The following SH2B1 variants were observed in gnomAD, a reference collection of about 807,000 sequenced individuals.
The protein encoded by SH2B1 is SH2B adapter protein 1.
SH2B1 carries 15 observed loss-of-function variants against 62.6 expected under a neutral mutation model. The ratio of observed to expected loss-of-function variants is 0.24; its 90% CI spans 0.16 to 0.37. SH2B1 has a LOEUF of 0.37. Among genes scored for constraint, SH2B1 ranks in the 10% least tolerant of loss-of-function variants. The pLI is 1.00. For synonymous variants in SH2B1, 443 were observed against 438.0 expected (o/e 1.01, Z -0.14); for missense variants, 925 against 1,015.6 (o/e 0.91, Z 1.21).
intron 1 of SH2B1, among the ~76,000 whole-genome samples, chr16:28,857,606 A>T (rs1049506621): frequency 2.0e-5 from 3 of 152,164 alleles, no homozygotes; most frequent in Non-Finnish European, 4.4e-5. Flanking sequence ...CAATGAAGAG[A>T]CACACAGGGA....
In SH2B1 at chr16:28,866,811, C is replaced by A. The variant is rs772611715; in HGVS notation, c.717C>A (p.Ala239=). Residue 239 remains alanine, a synonymous_variant, in exon 1 of 8, where the codon GCC becomes GCA. Transcript: ENST00000684370. The surrounding 1 kb of genome is among the most constrained non-coding windows in gnomAD (Gnocchi z 6.3). ...TGAGACTCAGTCGGGGAGGGGGCGCCTTGAAGGATGGAGCAGGGATGGTGC... is the reference window on the plus strand; with the variant it reads ...TGAGACTCAGTCGGGGAGGGGGCGCATTGAAGGATGGAGCAGGGATGGTGC... ...ERLRLSRGGG[A]LKDGAGMVQR... is the part of the protein sequence containing the mutation. 6.3e-7 allele frequency: 1 copy of A among 1,585,110 alleles called. No individual in the cohort carries two copies. The highest frequency in any genetic ancestry group is 1.3e-5 in the African/African-American group (1 of 74,224).
At chr16:28,870,475 T>G (rs913667726) in intron 4 of SH2B1, among the ~76,000 whole-genome samples, 20 of 151,986 alleles carry the variant, frequency 1.3e-4, no homozygotes, top group Admixed American at 1.1e-3. Flanking sequence ...GCCCAGGATA[T>G]GGGGACAAAT....
At position 28,871,804 on chromosome 16, in the gene SH2B1, G is replaced by T. The variant is rs766274908; in HGVS notation, c.1334G>T (p.Arg445Leu). The change falls in exon 5 of 8, where the codon CGC (arginine) becomes CTC (leucine). Residue 445 changes from arginine (R) to leucine (L), a missense_variant. By Grantham distance (102) the Arg-to-Leu change is moderately radical (BLOSUM62 -2). Coordinates refer to ENST00000684370, the MANE Select transcript of SH2B1 (RefSeq NM_001387430.1). The stretch of plus-strand genomic sequence containing the variant: ...GGGGCATATGGGGGCCTCTCAGACC[G>T]CCCCTCGGCATCCATCTCCCCCAGC... ...SQGAYGGLSDRPSASISPSSA... is the reference protein window; with the variant it reads ...SQGAYGGLSDLPSASISPSSA... The T allele has an allele frequency of 1.2e-6, 2 of 1,613,818 alleles. No individual in the cohort carries two copies. Among genetic ancestry groups the T allele is most frequent in the Admixed American group, 3.3e-5 (2 of 59,990 alleles).
intron 1 of SH2B1, among the ~76,000 whole-genome samples, chr16:28,848,500 CT>C (rs899965468): frequency 6.6e-6 from 1 of 151,986 alleles, no homozygotes; most frequent in African/African-American, 2.4e-5. Context: ...TGAACTAGAG[CT>C]TTATGATGTT....
chr16:28,847,605 G>A (rs1459209963), intron 1 of SH2B1, among the ~76,000 whole-genome samples: 1 of 151,886 alleles, frequency 6.6e-6, no homozygotes, highest in Non-Finnish European at 1.5e-5. Context: ...ACGGTTTGAA[G>A]CCAGGAGTTC....
At chr16:28,856,708 AC>A (rs1394633371) in intron 1 of SH2B1, among the ~76,000 whole-genome samples, 3 of 146,122 alleles carry the variant, frequency 2.1e-5, no homozygotes, top group Non-Finnish European at 3.1e-5. Context: ...TTCACTCTTC[AC>A]TCTTCCCACC....
In SH2B1 at chr16:28,868,969, C is replaced by T. The variant is rs564306592; in HGVS notation, c.1042-37C>T. The stretch of plus-strand genomic sequence containing the variant: ...AGGCATGGATTAAGCCTCCTCCCTG[C>T]CCCTGCCCCAGCTGAGGCGTCGTCT... On this transcript the variant is annotated intron_variant, in intron 2 of 7. Transcript: ENST00000684370. 2.0e-5 allele frequency: 31 copies of T among 1,512,218 alleles called. No individual in the cohort carries two copies. In the African/African-American group the frequency reaches 3.8e-4, roughly 19 times the overall value. The allele number at this position is 1,512,218 out of a possible 1,614,324, so 93.7% of individuals were successfully genotyped here.
chr16:28,871,638 C>A, intron 4 of SH2B1, 142 bp from the exon 5 acceptor site: 1 of 692,082 alleles, frequency 1.4e-6, no homozygotes, highest in Non-Finnish European at 2.6e-6. Context: ...GTAAAAGCAT[C>A]AGGGGTCACT....
In SH2B1 at chr16:28,852,513, CAT is replaced by C. The variant is rs1313616524; in HGVS notation, c.-301+5691_-301+5692del. ...ACATACATATATTTATATATATACACATATATTTATATATATACACATATATT... is the reference window on the plus strand; with the variant it reads ...ACATACATATATTTATATATATACACATATTTATATATATACACATATATT... On this transcript the variant is annotated intron_variant, in intron 1 of 10. Coordinates refer to the SH2B1 transcript ENST00000322610. Among the ~76,000 whole-genome samples, 4 of 11,804 alleles carry C rather than the reference CAT, an allele frequency of 3.4e-4. 1 individual carries two copies. Among genetic ancestry groups the C allele is most frequent in the East Asian group, 4.0e-3 (1 of 252 alleles). The allele number at this position is 11,804 out of a possible 152,430, so 7.7% of individuals were successfully genotyped here.
In SH2B1 at chr16:28,852,692, TTA is replaced by T. The variant is rs1196188850; in HGVS notation, c.-301+5874_-301+5875del. 2.2e-3 allele frequency among the ~76,000 whole-genome samples: 170 copies of T among 75,818 alleles called. 38 individuals carry two copies. Among genetic ancestry groups the T allele is most frequent in the Admixed American group, 3.2e-3 (13 of 4,034 alleles). The allele number at this position is 75,818 out of a possible 152,430, so 49.7% of individuals were successfully genotyped here. The stretch of plus-strand genomic sequence containing the variant: ...TTTATATATATATTTACATATATAT[TTA>T]TATATATACATATATATTTACATAT... On this transcript the variant is annotated intron_variant, in intron 1 of 10. Transcript: ENST00000322610.
chr16:28,852,952 T>TATATATGTACATATATATGTAC, intron 1 of SH2B1, among the ~76,000 whole-genome samples: 1 of 47,072 alleles, frequency 2.1e-5, no homozygotes, highest in African/African-American at 7.7e-5. Flanking sequence ...ATATATATTT[T>TATATATGTACATATATATGTAC]ATATATGTAC....
upstream of SH2B1, chr16:28,862,517 C>T (rs922359390): frequency 2.0e-5 from 3 of 150,424 alleles, no homozygotes; most frequent in African/African-American, 4.9e-5. Context: ...TCAGGCTGGT[C>T]TCAAACTCCT....
intron 1 of SH2B1, among the ~76,000 whole-genome samples, chr16:28,854,867 C>T (rs1212560040): frequency 2.6e-5 from 4 of 152,132 alleles, no homozygotes; most frequent in African/African-American, 9.7e-5. Flanking sequence ...CCTGGCTGCA[C>T]TAGCCCTTCA....
intron 1 of SH2B1, among the ~76,000 whole-genome samples, chr16:28,852,247 C>CATATATATTTACAT (rs1962122017): frequency 1.6e-5 from 1 of 63,284 alleles, no homozygotes; most frequent in African/African-American, 9.0e-5. Flanking sequence ...TATATATTTA[C>CATATATATTTACAT]ATATATATAT....
At chr16:28,855,643 A>ATTT (rs760328836) in intron 1 of SH2B1, among the ~76,000 whole-genome samples, 4 of 140,434 alleles carry the variant, frequency 2.8e-5, no homozygotes, top group Non-Finnish European at 4.7e-5. Context: ...TTATTTATTT[A>ATTT]TTTATTTTTT....
Position 28,864,579 on chromosome 16 carries a change from G to T in SH2B1, c.-1516G>T. On this transcript the variant is annotated 5_prime_UTR_variant, in exon 1 of 8. Coordinates refer to ENST00000684370, the MANE Select transcript of SH2B1 (RefSeq NM_001387430.1). ...GAAGGGGAGGGTTCACCGACTTACAGCCTGGCTGTAGGTTTGAACAGGAGT... is the reference window on the plus strand; with the variant it reads ...GAAGGGGAGGGTTCACCGACTTACATCCTGGCTGTAGGTTTGAACAGGAGT... 1 of 985,674 alleles carries T rather than the reference G, an allele frequency of 1.0e-6. No individual in the cohort carries two copies. 61.1% of individuals were successfully genotyped at this position (985,674 alleles called of 1,614,324 possible).
At position 28,863,997 on chromosome 16, in the gene SH2B1, A is replaced by G; in HGVS notation, c.-2098A>G. ...TTCAAGTACCTTTTCCCTCTCCGCGACCCGGCCCTGGCGCCCGAGAGGATT... is the reference window on the plus strand; with the variant it reads ...TTCAAGTACCTTTTCCCTCTCCGCGGCCCGGCCCTGGCGCCCGAGAGGATT... On this transcript the variant is annotated 5_prime_UTR_variant, in exon 1 of 8. Coordinates refer to ENST00000684370, the MANE Select transcript of SH2B1 (RefSeq NM_001387430.1). 2.3e-6 allele frequency: 3 copies of G among 1,288,524 alleles called. No homozygotes were observed. Among genetic ancestry groups the G allele is most frequent in the Non-Finnish European group, 3.0e-6 (3 of 1,013,044 alleles). The allele number at this position is 1,288,524 out of a possible 1,614,324, so 79.8% of individuals were successfully genotyped here.
rs964144236 is a variant in SH2B1, at chr16:28,865,047, C to T, written c.-1048C>T. The T allele has an allele frequency of 1.0e-6, 1 of 980,772 alleles. No homozygotes were observed. The highest frequency in any genetic ancestry group is 4.7e-5 in the South Asian group (1 of 21,206). 60.8% of individuals were successfully genotyped at this position (980,772 alleles called of 1,614,324 possible). A position where few individuals can be genotyped will look rare whatever the true frequency, so the allele number is the denominator to read the frequency against. On this transcript the variant is annotated 5_prime_UTR_variant, in exon 1 of 8. Transcript: ENST00000684370. Reference sequence around the variant, plus strand: ...GGGTGCTCATAAGGTGGTTTGAGCCCTGGTCTGACTCAAGTCCATGGCCTT... The same window carrying T: ...GGGTGCTCATAAGGTGGTTTGAGCCTTGGTCTGACTCAAGTCCATGGCCTT...
chr16:28,849,983 G>A (rs1962060498), intron 1 of SH2B1, among the ~76,000 whole-genome samples: 1 of 152,158 alleles, frequency 6.6e-6, no homozygotes, highest in Non-Finnish European at 1.5e-5. Flanking sequence ...TTGGAAGGTA[G>A]TGAATGAATG....
Sources: allele counts gnomAD v4.1 joint callset (sites outside exome capture counted in the v4.1 genomes callset), GRCh38; gene constraint gnomAD v4.1.1; non-coding constraint Gnocchi (gnomAD v3.1); transcripts MANE v1.5; gene names NCBI Gene and HGNC (gene_info 2026-07-23, HGNC 2026-07-21).